The following AARS1 variants were observed in gnomAD, a reference collection of about 807,000 sequenced individuals.
AARS1 encodes the protein alanine--tRNA ligase, cytoplasmic.
In AARS1, 72 loss-of-function variants were observed where a neutral mutation model predicts 108.9. The observed-to-expected ratio is 0.66, with a 90% CI of 0.55 to 0.80. The LOEUF (loss-of-function observed/expected upper bound fraction) is 0.80, where lower values mean the gene tolerates loss of function less well. Ranked by LOEUF, AARS1 falls within the 30% of genes least tolerant of loss-of-function variation. The pLI is 0.00. For missense variants in AARS1, 1,193 were observed against 1,233.2 expected (o/e 0.97, Z 0.49); for synonymous variants, 489 against 465.7 (o/e 1.05, Z -0.64).
chr16:70,266,218 G>A (rs978894802), intron 9 of AARS1, among the ~76,000 whole-genome samples: 4 of 152,176 alleles, frequency 2.6e-5, no homozygotes, highest in African/African-American at 9.7e-5. Context: ...GGAGGCTGAG[G>A]CAGGAGAATG....
intron 9 of AARS1, among the ~76,000 whole-genome samples, chr16:70,266,358 CG>C (rs1960263250): frequency 6.8e-6 from 1 of 146,022 alleles, no homozygotes; most frequent in Non-Finnish European, 1.5e-5. Flanking sequence ...TTGCCAGGCG[CG>C]GTGGCGGACA....
At chr16:70,278,709 T>C (rs915163977) in intron 2 of AARS1, among the ~76,000 whole-genome samples, 1 of 152,116 alleles carries the variant, frequency 6.6e-6, no homozygotes, top group African/African-American at 2.4e-5. Context: ...GACAGTCCCG[T>C]ATTAGATCAC....
intron 9 of AARS1, among the ~76,000 whole-genome samples, chr16:70,266,866 C>T (rs1410969723): frequency 1.3e-5 from 2 of 149,510 alleles, no homozygotes; most frequent in African/African-American, 2.5e-5. Flanking sequence ...GATGGTGTTT[C>T]GCTCTTGTTG....
At chr16:70,280,698 C>T (rs1223152655) in intron 2 of AARS1, among the ~76,000 whole-genome samples, 1 of 152,156 alleles carries the variant, frequency 6.6e-6, no homozygotes, top group African/African-American at 2.4e-5. Flanking sequence ...CACGACCAGC[C>T]TGGGAAGTAC....
chr16:70,258,032 C>A lies in AARS1; in HGVS notation c.2177+1G>T. The A allele has an allele frequency of 6.2e-7, 1 of 1,614,140 alleles. No homozygotes were observed. Among genetic ancestry groups the A allele is most frequent in the South Asian group, 1.1e-5 (1 of 91,078 alleles). The stretch of plus-strand genomic sequence containing the variant: ...CTACTCTGCCCCTCTGCAGTACTCA[C>A]GTTCCCCCACAGAACTCAACAGAAG... On this transcript the variant is annotated splice_donor_variant, in intron 15 of 20. Coordinates refer to ENST00000261772, the MANE Select transcript of AARS1 (RefSeq NM_001605.3). LOFTEE classifies it high-confidence loss of function.
intron 16 of AARS1, 138 bp downstream of exon 16, chr16:70,255,588 CTG>C: frequency 1.3e-6 from 1 of 752,418 alleles, no homozygotes; most frequent in Non-Finnish European, 2.3e-6. Flanking sequence ...GGGTAGGACA[CTG>C]GGGCAGGGGG....
chr16:70,253,482 T>A, intron 19 of AARS1, 101 bp from the exon 20 acceptor site: 1 of 1,110,566 alleles, frequency 9.0e-7, no homozygotes, highest in Non-Finnish European at 1.3e-6. Flanking sequence ...CCCCTACCCC[T>A]TCCCAGAGCA....
chr16:70,254,134 G>T, intron 17 of AARS1, 96 bp from the exon 18 acceptor site: 1 of 1,542,294 alleles, frequency 6.5e-7, no homozygotes, highest in Non-Finnish European at 8.9e-7. Flanking sequence ...TCCCTGACTA[G>T]TGTCCTGGAA....
chr16:70,269,900 G>A (rs990241882), intron 6 of AARS1, 137 bp from the exon 7 acceptor site: 171 of 1,186,664 alleles, frequency 1.4e-4, no homozygotes, highest in Non-Finnish European at 7.0e-5. Flanking sequence ...CCCCAAGAAC[G>A]TGACATTGGG....
intron 16 of AARS1, among the ~76,000 whole-genome samples, chr16:70,255,194 ATTTTTTTTTT>A (rs946837808): frequency 3.8e-5 from 4 of 104,276 alleles, no homozygotes; most frequent in Non-Finnish European, 5.6e-5. Flanking sequence ...CCAGATTCAC[ATTTTTTTTTT>A]TTTTTTTTTT....
In AARS1 at chr16:70,276,629, T is replaced by C. The variant is rs759137116; in HGVS notation, c.336A>G (p.Glu112=). 3 of 1,613,876 alleles carry C rather than the reference T, an allele frequency of 1.9e-6. No homozygotes were observed. Among genetic ancestry groups the C allele is most frequent in the South Asian group, 2.2e-5 (2 of 91,072 alleles). The change falls in exon 4 of 21, where the codon GAA becomes GAG. Residue 112 remains glutamate, a splice_region_variant and synonymous_variant. Coordinates refer to ENST00000261772, the MANE Select transcript of AARS1 (RefSeq NM_001605.3). ...GSWSFGDYFK[E]LACKMALELL... ...GTTCCAGAGCCATCTTACATGCCAA[T>C]TCCTACAAAAAGAACAGAGAGAAAG... is the stretch of plus-strand genomic sequence containing the variant.
At chr16:70,282,920 G>A in intron 1 of AARS1, 136 bp from the exon 2 acceptor site, 3 of 828,912 alleles carry the variant, frequency 3.6e-6, no homozygotes, top group Non-Finnish European at 5.9e-6. Flanking sequence ...CCTCTATGTT[G>A]TAATGTCCAA....
chr16:70,268,185 A>T, intron 8 of AARS1, 86 bp downstream of exon 8: 1 of 1,268,106 alleles, frequency 7.9e-7, no homozygotes, highest in Non-Finnish European at 1.1e-6. Context: ...AGCAACAAAA[A>T]GCTGCTTAAC....
rs769853764 is a variant in AARS1, at chr16:70,265,589, C to G, written c.1296G>C (p.Lys432Asn). ...AGCCATCCATGTCTACCACCAGGCC[C>G]TTCTCTTCAGCAATCAGTCCAGTCA... ...VDLTGLIAEE[K>N]GLVVDMDGFE... The change falls in exon 10 of 21, where the codon AAG (lysine) becomes AAC (asparagine). Residue 432 changes from lysine to asparagine, a missense_variant. Transcript: ENST00000261772. The G allele has an allele frequency of 1.2e-6, 2 of 1,614,046 alleles. No individual in the cohort carries two copies. Among genetic ancestry groups the G allele is most frequent in the Non-Finnish European group, 1.7e-6 (2 of 1,179,958 alleles).
chr16:70,263,925 T>C (rs1253995460), intron 11 of AARS1, among the ~76,000 whole-genome samples: 2 of 152,068 alleles, frequency 1.3e-5, no homozygotes, highest in Admixed American at 6.5e-5. Context: ...GCATGAGTCA[T>C]TGCACTGGCT....
At chr16:70,261,226 AT>A in intron 12 of AARS1, 69 bp from the exon 13 acceptor site, 1 of 1,175,144 alleles carries the variant, frequency 8.5e-7, no homozygotes, top group Non-Finnish European at 1.3e-6. Flanking sequence ...TATATTTTCA[AT>A]ATAAACTCGT....
chr16:70,264,987 T>G lies in AARS1; in HGVS notation c.1463A>C (p.Asn488Thr), dbSNP rs561147617. 1 of 1,614,072 alleles carries G rather than the reference T, an allele frequency of 6.2e-7. No individual in the cohort carries two copies. Among genetic ancestry groups the G allele is most frequent in the East Asian group, 2.2e-5 (1 of 44,872 alleles). ...LEVTDDSPKY[N>T]YHLDSSGSYV... is the part of the protein sequence containing the mutation. ...GCTACCACTGGAGTCCAAATGGTAATTGTACTTTGGGGAATCATCTGTGAC... is the reference window on the plus strand; with the variant it reads ...GCTACCACTGGAGTCCAAATGGTAAGTGTACTTTGGGGAATCATCTGTGAC... The change falls in exon 11 of 21, where the codon AAT (asparagine) becomes ACT (threonine). Residue 488 changes from asparagine (N) to threonine (T), a missense_variant. Physicochemically the swap from Asn to Thr is moderately conservative, Grantham distance 65. Coordinates refer to ENST00000261772, the MANE Select transcript of AARS1 (RefSeq NM_001605.3).
intron 14 of AARS1, among the ~76,000 whole-genome samples, chr16:70,258,698 T>C (rs566688339): frequency 6.6e-6 from 1 of 152,306 alleles, no homozygotes; most frequent in South Asian, 2.1e-4. Context: ...CCTGAGTAGC[T>C]GGGACTACAG....
intron 2 of AARS1, among the ~76,000 whole-genome samples, chr16:70,281,511 C>G (rs1960695548): frequency 6.6e-6 from 1 of 152,024 alleles, no homozygotes; most frequent in Non-Finnish European, 1.5e-5. Context: ...ACTAAAAATA[C>G]AACAATTAGC....
Sources: gnomAD v4.1 joint callset for allele counts (sites outside exome capture counted in the v4.1 genomes callset) on GRCh38, gnomAD v4.1.1 for gene constraint, MANE v1.5 for transcripts, NCBI Gene and HGNC (gene_info 2026-07-23, HGNC 2026-07-21) for gene names.